Variants in NPC2 observed in about 807,000 individuals in gnomAD.
NPC2 encodes NPC intracellular cholesterol transporter 2.
A neutral mutation model predicts 17.0 loss-of-function variants in NPC2; 14 were observed. The observed-to-expected ratio is 0.82, with a 90% CI of 0.54 to 1.29. The LOEUF (loss-of-function observed/expected upper bound fraction) is 1.29, where lower values mean the gene tolerates loss of function less well. Ranked by LOEUF, NPC2 falls within the 50% of genes most tolerant of loss-of-function variation. The pLI, the probability that NPC2 is intolerant of heterozygous loss-of-function variation, is 0.00. For synonymous variants in NPC2, 75 were observed against 69.3 expected (o/e 1.08, Z -0.41); for missense variants, 167 against 183.4 (o/e 0.91, Z 0.52).
At chr14:74,493,401 GCCCGCCCGCGC>G (rs2086800700), upstream of NPC2, 32 of 1,529,434 alleles carry the variant, frequency 2.1e-5, no homozygotes, top group Middle Eastern at 4.6e-4. This position sits in a 1 kb window ranked among gnomAD's most constrained non-coding sequence, Gnocchi z 4.1. Context: ...CACAGCTGAG[GCCCGCCCGCGC>G]CCCGCCCCCG....
chr14:74,485,065 C>T (rs1275298399), intron 2 of NPC2, among the ~76,000 whole-genome samples: 3 of 151,894 alleles, frequency 2.0e-5, no homozygotes, highest in African/African-American at 4.8e-5. Context: ...GAGGCTGAGG[C>T]GGGTGGATCA....
At chr14:74,483,413 G>T in intron 3 of NPC2, 1 of 1,498,772 alleles carries the variant, frequency 6.7e-7, no homozygotes. Context: ...AAAGGTCAAT[G>T]TTAATGAAAT....
chr14:74,487,556 C>T lies in NPC2; in HGVS notation c.83-1120G>A, dbSNP rs1473548669. Among the ~76,000 whole-genome samples, 6 of 152,176 alleles carry T rather than the reference C, an allele frequency of 3.9e-5. No homozygotes were observed. In the East Asian group the frequency reaches 7.7e-4, roughly 20 times the overall value. ...TCCTGGGATTACAGGCATGAGCCAC[C>T]GCACCTGGCCAAAAACCGCACTTTA... is the stretch of plus-strand genomic sequence containing the variant. On this transcript the variant is annotated intron_variant, in intron 1 of 4. Transcript: ENST00000555619.
At chr14:74,484,659 A>T in intron 2 of NPC2, 72 bp from the exon 3 acceptor site, 2 of 1,545,436 alleles carry the variant, frequency 1.3e-6, no homozygotes, top group Non-Finnish European at 1.8e-6. Context: ...AAAATTCAGA[A>T]ATAATCCCAA....
upstream of NPC2, chr14:74,493,511 C>T: frequency 1.2e-6 from 1 of 865,604 alleles, no homozygotes. This position sits in a 1 kb window ranked among gnomAD's most constrained non-coding sequence, Gnocchi z 4.1. Flanking sequence ...CCCGCCCGGA[C>T]CCACCTCCGC....
At chr14:74,481,412 T>G (rs143740224) in intron 3 of NPC2, among the ~76,000 whole-genome samples, 3 of 152,378 alleles carry the variant, frequency 2.0e-5, no homozygotes, top group African/African-American at 7.2e-5. Flanking sequence ...AACCGTGAGC[T>G]GATCAAACCT....
chr14:74,484,868 C>T (rs1267068351), intron 2 of NPC2, among the ~76,000 whole-genome samples: 2 of 150,962 alleles, frequency 1.3e-5, no homozygotes, highest in Non-Finnish European at 2.9e-5. Context: ...GGATAAACAA[C>T]CTTATCTAAC....
At chr14:74,492,612 C>T (rs1351343062) in intron 1 of NPC2, among the ~76,000 whole-genome samples, 1 of 152,158 alleles carries the variant, frequency 6.6e-6, no homozygotes, top group African/African-American at 2.4e-5. Flanking sequence ...ACAAAGATTC[C>T]AACCACAGCG....
intron 2 of NPC2, among the ~76,000 whole-genome samples, 168 bp from the exon 3 acceptor site, chr14:74,484,755 C>CAAAAAAAAAAAAAAAAAAAAA (rs71115996): frequency 1.2e-5 from 1 of 85,232 alleles, no homozygotes; most frequent in Non-Finnish European, 2.2e-5. Flanking sequence ...CACAATTATG[C>CAAAAAAAAAAAAAAAAAAAAA]AAAAAAAAAA....
chr14:74,480,287 A>G lies in NPC2; in HGVS notation c.443T>C (p.Val148Ala). 1 of 1,613,248 alleles carries G rather than the reference A, an allele frequency of 6.2e-7. No individual in the cohort carries two copies. Among genetic ancestry groups the G allele is most frequent in the East Asian group, 2.2e-5 (1 of 44,866 alleles). The change falls in exon 5 of 5, where the codon GTT becomes GCT. Residue 148 changes from valine to alanine, a missense_variant and splice_region_variant. Physicochemically the swap from Val to Ala is moderately conservative, Grantham distance 64. Transcript: ENST00000555619. ...TCAATGAGGCACTTAGAGATGAGAA[A>G]CCTGTGGATGTAATGTCCCAGCTCA... is the stretch of plus-strand genomic sequence containing the variant. ...LFCWEIPVQI[V>A]SHL
At chr14:74,493,461 G>C, upstream of NPC2, 2 of 1,364,452 alleles carry the variant, frequency 1.5e-6, no homozygotes, top group Non-Finnish European at 2.0e-6. The surrounding 1 kb of genome is among the most constrained non-coding windows in gnomAD (Gnocchi z 4.1). Flanking sequence ...AGGCCCAGAA[G>C]CCTGCAGTCT....
chr14:74,480,911 G>C, intron 3 of NPC2, 132 bp from the exon 4 acceptor site: 1 of 816,834 alleles, frequency 1.2e-6, no homozygotes, highest in Non-Finnish European at 2.1e-6. Flanking sequence ...CTTAAATCAT[G>C]AGGGCTGCTT....
At chr14:74,484,625 A>G (rs1341027534) in intron 2 of NPC2, 38 bp from the exon 3 acceptor site, 2 of 1,610,836 alleles carry the variant, frequency 1.2e-6, no homozygotes, top group Non-Finnish European at 1.7e-6. Context: ...CAAAGAAAAT[A>G]ACCTATTTTC....
intron 3 of NPC2, among the ~76,000 whole-genome samples, chr14:74,482,110 C>T (rs1411305262): frequency 6.6e-6 from 1 of 152,220 alleles, no homozygotes; most frequent in Non-Finnish European, 1.5e-5. Flanking sequence ...CAGGCTCTGA[C>T]TAGTCACTGC....
chr14:74,487,693 G>C (rs115209367), intron 1 of NPC2, among the ~76,000 whole-genome samples: 1 of 152,312 alleles, frequency 6.6e-6, no homozygotes, highest in South Asian at 2.1e-4. Context: ...CACTGATTGA[G>C]GGAGTCTGCT....
At chr14:74,484,697 C>A in intron 2 of NPC2, 110 bp from the exon 3 acceptor site, 1 of 889,462 alleles carries the variant, frequency 1.1e-6, no homozygotes, top group Non-Finnish European at 1.6e-6. Flanking sequence ...GTCTATTTCT[C>A]TTGATAGTGG....
chr14:74,491,993 C>A (rs922136046), intron 1 of NPC2, among the ~76,000 whole-genome samples: 1 of 152,148 alleles, frequency 6.6e-6, no homozygotes, highest in Admixed American at 6.5e-5. Context: ...AATGATATCA[C>A]TATTGTAAAA....
intron 1 of NPC2, among the ~76,000 whole-genome samples, chr14:74,488,011 G>A (rs1033923007): frequency 2.0e-5 from 3 of 152,154 alleles, no homozygotes; most frequent in South Asian, 2.1e-4. Context: ...CCTTGTTACC[G>A]GAACCTGAAA....
At chr14:74,490,960 CAA>C (rs765608061) in intron 1 of NPC2, among the ~76,000 whole-genome samples, 3 of 152,234 alleles carry the variant, frequency 2.0e-5, no homozygotes, top group Non-Finnish European at 4.4e-5. Context: ...AAGTGGCTCA[CAA>C]AGACCCACGG....
Sources: gnomAD v4.1 joint callset for allele counts (sites outside exome capture counted in the v4.1 genomes callset) on GRCh38, gnomAD v4.1.1 for gene constraint, Gnocchi (gnomAD v3.1) non-coding constraint, MANE v1.5 for transcripts, NCBI Gene and HGNC (gene_info 2026-07-23, HGNC 2026-07-21) for gene names.